Variants in ATE1 observed in about 807,000 individuals in gnomAD.
ATE1 encodes the protein arginyl-tRNA--protein transferase 1.
In ATE1, 36 loss-of-function variants were observed where a neutral mutation model predicts 70.5. That is an observed-to-expected ratio of 0.51 (90% confidence interval 0.39 to 0.67). ATE1 has a LOEUF of 0.67. ATE1 is among the 30% of genes least tolerant of loss of function. The probability of loss-of-function intolerance (pLI) is 0.00; values close to 1 mark genes in which losing one functional copy is unlikely to be tolerated. For synonymous variants in ATE1, 232 were observed against 219.3 expected (o/e 1.06, Z -0.51); for missense variants, 593 against 629.5 (o/e 0.94, Z 0.62).
chr10:121,761,349 T>C (rs1247519925), intron 11 of ATE1, among the ~76,000 whole-genome samples: 1 of 152,252 alleles, frequency 6.6e-6, no homozygotes, highest in Non-Finnish European at 1.5e-5. Flanking sequence ...AGTCAGCAGC[T>C]GTCAACATCA....
intron 3 of ATE1, 107 bp from the exon 4 acceptor site, chr10:121,914,000 C>A: frequency 1.3e-6 from 1 of 788,534 alleles, no homozygotes; most frequent in East Asian, 2.8e-5. Context: ...CCTGAGATTT[C>A]TGGTTAAAGA....
At chr10:121,925,193 G>A (rs1485263560) in intron 1 of ATE1, among the ~76,000 whole-genome samples, 1 of 152,122 alleles carries the variant, frequency 6.6e-6, no homozygotes, top group Non-Finnish European at 1.5e-5. Flanking sequence ...GGCCAAGATG[G>A]GCAGATCATC....
intron 9 of ATE1, among the ~76,000 whole-genome samples, chr10:121,838,268 C>T (rs1948500686): frequency 1.3e-5 from 2 of 151,976 alleles, no homozygotes; most frequent in Non-Finnish European, 2.9e-5. Flanking sequence ...AAAACCCAAC[C>T]TCCCCACCCT....
At chr10:121,910,590 T>C (rs1252096497) in intron 5 of ATE1, among the ~76,000 whole-genome samples, 2 of 152,220 alleles carry the variant, frequency 1.3e-5, no homozygotes, top group Non-Finnish European at 2.9e-5. Flanking sequence ...AAAATAAGAA[T>C]GTTTATCACT....
chr10:121,796,737 G>C (rs1356243708), intron 10 of ATE1, among the ~76,000 whole-genome samples: 1 of 152,044 alleles, frequency 6.6e-6, no homozygotes, highest in Non-Finnish European at 1.5e-5. Flanking sequence ...CTAAAACATT[G>C]AAAGGAGAAG....
intron 10 of ATE1, among the ~76,000 whole-genome samples, chr10:121,799,166 G>A (rs1000204353): frequency 3.3e-4 from 50 of 152,254 alleles, no homozygotes; most frequent in African/African-American, 1.1e-3. Flanking sequence ...GCCTTGTGAG[G>A]TGCTCATTCT....
intron 8 of ATE1, among the ~76,000 whole-genome samples, chr10:121,857,719 T>C (rs996692952): frequency 6.6e-6 from 1 of 152,210 alleles, no homozygotes; most frequent in African/African-American, 2.4e-5. Context: ...TTTTAACAAT[T>C]TGTAAGTGTA....
rs150419506 is a variant in ATE1 at position 121,913,655 on chromosome 10, C to G, written c.337+135G>C. On this transcript the variant is annotated intron_variant, in intron 4 of 11. Coordinates refer to ENST00000224652, the MANE Select transcript of ATE1 (RefSeq NM_001001976.3). The stretch of plus-strand genomic sequence containing the variant: ...GCCGATGGTAACAGTAATAGCAGTG[C>G]TAACAGTAGTCGCTGTCATCATAGT... 9.3e-4 allele frequency: 501 copies of G among 536,034 alleles called. 4 individuals are homozygous for G. Among genetic ancestry groups the G allele is most frequent in the African/African-American group, 8.3e-3 (433 of 52,238 alleles). The allele number at this position is 536,034 out of a possible 1,614,324, so 33.2% of individuals were successfully genotyped here.
intron 10 of ATE1, among the ~76,000 whole-genome samples, chr10:121,831,577 C>T (rs1314770578): frequency 6.6e-6 from 1 of 152,158 alleles, no homozygotes; most frequent in African/African-American, 2.4e-5. Context: ...ATTCCTTCAA[C>T]CTAGTAACAT....
At chr10:121,862,212 C>T (rs1949498271) in intron 8 of ATE1, among the ~76,000 whole-genome samples, 2 of 152,188 alleles carry the variant, frequency 1.3e-5, no homozygotes. Flanking sequence ...ACTCAACCTT[C>T]CGACCACCTC....
At chr10:121,808,409 A>G (rs915778792) in intron 10 of ATE1, among the ~76,000 whole-genome samples, 1 of 152,176 alleles carries the variant, frequency 6.6e-6, no homozygotes, top group Non-Finnish European at 1.5e-5. Context: ...ACACTAACAG[A>G]AGATGGGGTT....
intron 6 of ATE1, among the ~76,000 whole-genome samples, chr10:121,902,078 T>TA (rs1463886683): frequency 6.6e-6 from 1 of 152,212 alleles, no homozygotes; most frequent in Non-Finnish European, 1.5e-5. Context: ...AACACAATTT[T>TA]AAAGAGTATT....
rs561981046 is a variant in ATE1, at chr10:121,896,943, T to G, written c.942+2923A>C. Among the ~76,000 whole-genome samples, 73 of 76,956 alleles carry G rather than the reference T, an allele frequency of 9.5e-4. 1 individual carries two copies. The highest frequency in any genetic ancestry group is 4.5e-3 in the Admixed American group (37 of 8,212). 50.5% of individuals were successfully genotyped at this position (76,956 alleles called of 152,430 possible). On this transcript the variant is annotated intron_variant, in intron 7 of 11. Transcript: ENST00000224652. ...TAGTTCCTCAAAATGGCATACAATT[T>G]TACCCTCCACACCTCTGCATTTTGC...
chr10:121,745,552 TA>T lies in ATE1; in HGVS notation c.1379-1695del, dbSNP rs958400999. On this transcript the variant is annotated intron_variant, in intron 11 of 11. Transcript: ENST00000224652. ...TAACACGGTGAAACCCCGTCTCTAC[TA>T]AAAAAAAACCAAAAAACAAAAAAAT... 7.7e-3 allele frequency among the ~76,000 whole-genome samples: 1,161 copies of T among 150,940 alleles called. 5 individuals are homozygous for T. Among genetic ancestry groups the T allele is most frequent in the Middle Eastern group, 0.014 (4 of 290 alleles).
chr10:121,902,190 A>T (rs373109505), intron 6 of ATE1, among the ~76,000 whole-genome samples: 23 of 151,496 alleles, frequency 1.5e-4, no homozygotes, highest in Non-Finnish European at 1.5e-4. Flanking sequence ...AAAGTCTTTT[A>T]AAAAAAAAGG....
chr10:121,799,502 C>T (rs1590333077), intron 10 of ATE1, among the ~76,000 whole-genome samples: 1 of 152,130 alleles, frequency 6.6e-6, no homozygotes, highest in African/African-American at 2.4e-5. Flanking sequence ...CAGCTGTCTC[C>T]CTCCTGAGCT....
chr10:121,906,966 C>A lies in ATE1; in HGVS notation c.583+3940G>T, dbSNP rs867286577. Among the ~76,000 whole-genome samples, 7 of 152,000 alleles carry A rather than the reference C, an allele frequency of 4.6e-5. No individual in the cohort carries two copies. In the South Asian group the frequency reaches 1.0e-3, roughly 23 times the overall value. ...ATACCTTAAGTGAAAAAAATAAGAA[C>A]CCTGCAAAAATAGTTTTTAATGTTT... On this transcript the variant is annotated intron_variant, in intron 5 of 11. Transcript: ENST00000224652.
rs186814776 is a variant in ATE1 at position 121,829,138 on chromosome 10, C to T, written c.1257+7580G>A. On this transcript the variant is annotated intron_variant, in intron 10 of 11. Coordinates refer to ENST00000224652, the MANE Select transcript of ATE1 (RefSeq NM_001001976.3). ...TCCTTCTTGGTTGTTAAAAATATTG[C>T]TCCTGGCCAGGCATGGTGGCTCACA... 3.2e-4 allele frequency among the ~76,000 whole-genome samples: 48 copies of T among 152,186 alleles called. No homozygotes were observed. The East Asian group carries it at 8.9e-3, about 28-fold the overall frequency.
chr10:121,918,842 C>G (rs1293251147), intron 3 of ATE1, among the ~76,000 whole-genome samples: 1 of 152,066 alleles, frequency 6.6e-6, no homozygotes, highest in Non-Finnish European at 1.5e-5. Flanking sequence ...ACTTTTCTTA[C>G]AAGAGGATTG....
Sources: allele counts gnomAD v4.1 joint callset (sites outside exome capture counted in the v4.1 genomes callset), GRCh38; gene constraint gnomAD v4.1.1; transcripts MANE v1.5; gene names NCBI Gene and HGNC (gene_info 2026-07-23, HGNC 2026-07-21).